BBX: variants seen among roughly 807,000 people sequenced by gnomAD.
BBX encodes HMG box transcription factor BBX.
Under a neutral mutation model 100.2 loss-of-function variants are expected in BBX, and 30 were observed. That is an observed-to-expected ratio of 0.30 (90% confidence interval 0.22 to 0.41). The LOEUF (loss-of-function observed/expected upper bound fraction) is 0.41. Among genes scored for constraint, BBX ranks in the 10% least tolerant of loss-of-function variants. The pLI is 1.00. For synonymous variants in BBX, 376 were observed against 388.1 expected (o/e 0.97, Z 0.37); for missense variants, 1,023 against 1,129.8 (o/e 0.91, Z 1.35).
intron 3 of BBX, among the ~76,000 whole-genome samples, chr3:107,684,050 T>G (rs1379074542): frequency 6.6e-6 from 1 of 152,194 alleles, no homozygotes; most frequent in African/African-American, 2.4e-5. Context: ...TCCCATTATT[T>G]TACTATGTCA....
intron 2 of BBX, among the ~76,000 whole-genome samples, chr3:107,580,693 A>T (rs1428146735): frequency 1.3e-5 from 2 of 151,872 alleles, no homozygotes. Context: ...GTGCAGTGGC[A>T]CGATCTTGGC....
At chr3:107,596,000 T>A (rs1241111065) in intron 2 of BBX, among the ~76,000 whole-genome samples, 1 of 152,242 alleles carries the variant, frequency 6.6e-6, no homozygotes, top group Non-Finnish European at 1.5e-5. Context: ...TTTTTGATAT[T>A]TCTGGGCTTT....
intron 3 of BBX, among the ~76,000 whole-genome samples, chr3:107,668,159 A>G (rs1177727281): frequency 6.6e-6 from 1 of 152,208 alleles, no homozygotes; most frequent in African/African-American, 2.4e-5. Context: ...CCTACATATT[A>G]TGTTGTTGAA....
intron 10 of BBX, among the ~76,000 whole-genome samples, chr3:107,766,757 A>G (rs139527718): frequency 0.018 from 2,702 of 152,272 alleles, 74 homozygotes; most frequent in African/African-American, 0.061. Context: ...ACATGCACAT[A>G]TATGTTTATT....
intron 3 of BBX, among the ~76,000 whole-genome samples, chr3:107,665,925 T>TC (rs2107888895): frequency 6.6e-6 from 1 of 152,286 alleles, no homozygotes; most frequent in Admixed American, 6.5e-5. Flanking sequence ...CTATTGTGGT[T>TC]CCTCTGCTTG....
chr3:107,605,979 A>G (rs2054405819), intron 2 of BBX, among the ~76,000 whole-genome samples: 2 of 152,316 alleles, frequency 1.3e-5, no homozygotes, highest in South Asian at 4.1e-4. Flanking sequence ...TTTCAAGAAT[A>G]CCTATTACTT....
At chr3:107,551,049 A>G (rs1007550695) in intron 2 of BBX, among the ~76,000 whole-genome samples, 19 of 152,354 alleles carry the variant, frequency 1.2e-4, no homozygotes, top group African/African-American at 4.3e-4. Flanking sequence ...TCATTCTCCT[A>G]GGAGCTCTTA....
chr3:107,791,774 G>A (rs766180495), intron 15 of BBX, among the ~76,000 whole-genome samples: 2 of 152,136 alleles, frequency 1.3e-5, no homozygotes, highest in African/African-American at 2.4e-5. Context: ...AGGCCAAGGC[G>A]GGCAGATCAT....
intron 10 of BBX, among the ~76,000 whole-genome samples, chr3:107,758,114 GAA>G (rs1274281498): frequency 5.9e-5 from 9 of 152,170 alleles, no homozygotes; most frequent in Non-Finnish European, 1.0e-4. Flanking sequence ...AGGGAGGAAA[GAA>G]GAGATATTAA....
intron 2 of BBX, among the ~76,000 whole-genome samples, chr3:107,593,881 A>G (rs1425831261): frequency 6.6e-6 from 1 of 152,244 alleles, no homozygotes; most frequent in Non-Finnish European, 1.5e-5. Flanking sequence ...ACAGTTATTC[A>G]AAGGAACCCA....
intron 3 of BBX, among the ~76,000 whole-genome samples, chr3:107,687,428 G>A (rs1374473895): frequency 3.3e-5 from 5 of 151,922 alleles, no homozygotes; most frequent in Non-Finnish European, 7.4e-5. Flanking sequence ...TGGAGAGGGG[G>A]GAATGGAGAA....
chr3:107,728,653 C>T lies in BBX; in HGVS notation c.406-112C>T, dbSNP rs2063123013. On this transcript the variant is annotated intron_variant, in intron 5 of 17. Transcript: ENST00000325805. ...TCTACAAGGAGAGCCACAGAAGTCACTGAAATTGTTTTTCTCACTTGGTAT... is the reference window on the plus strand; with the variant it reads ...TCTACAAGGAGAGCCACAGAAGTCATTGAAATTGTTTTTCTCACTTGGTAT... 3.3e-6 allele frequency: 3 copies of T among 910,566 alleles called. No individual in the cohort carries two copies. In the South Asian group the frequency reaches 5.0e-5, roughly 15 times the overall value. 56.4% of individuals were successfully genotyped at this position (910,566 alleles called of 1,614,324 possible).
chr3:107,774,119 T>G (rs898251580), intron 11 of BBX, among the ~76,000 whole-genome samples: 5 of 152,200 alleles, frequency 3.3e-5, no homozygotes, highest in Non-Finnish European at 7.3e-5. Flanking sequence ...TCCCAGCGCT[T>G]TGGGAGGCCA....
intron 3 of BBX, among the ~76,000 whole-genome samples, chr3:107,707,532 T>G (rs1168365206): frequency 2.0e-5 from 3 of 152,158 alleles, no homozygotes; most frequent in African/African-American, 7.2e-5. Flanking sequence ...GGCCTAGCAA[T>G]GGAGGTATGA....
At chr3:107,549,330 ATAAG>A (rs1015835257) in intron 2 of BBX, among the ~76,000 whole-genome samples, 14 of 152,270 alleles carry the variant, frequency 9.2e-5, no homozygotes, top group Non-Finnish European at 1.8e-4. Flanking sequence ...AATAAATAAA[ATAAG>A]TAAGCTGTAT....
At chr3:107,563,962 C>G (rs911342105) in intron 2 of BBX, among the ~76,000 whole-genome samples, 3 of 152,188 alleles carry the variant, frequency 2.0e-5, no homozygotes, top group Admixed American at 1.3e-4. Context: ...GTGTATTCTT[C>G]AAAATCCTTT....
intron 2 of BBX, among the ~76,000 whole-genome samples, chr3:107,546,009 AT>A (rs1413385144): frequency 6.6e-6 from 1 of 152,184 alleles, no homozygotes; most frequent in Non-Finnish European, 1.5e-5. Context: ...AAAGGTGCTA[AT>A]TGTTTCTAGC....
chr3:107,796,801 A>G (rs1226558819), intron 15 of BBX, among the ~76,000 whole-genome samples: 4 of 152,180 alleles, frequency 2.6e-5, no homozygotes, highest in African/African-American at 9.6e-5. Context: ...TCTAAGACTA[A>G]GTATAATAAC....
At chr3:107,759,760 C>G (rs1185935178) in intron 10 of BBX, among the ~76,000 whole-genome samples, 1 of 152,136 alleles carries the variant, frequency 6.6e-6, no homozygotes, top group East Asian at 1.9e-4. Flanking sequence ...TGTAAACCTT[C>G]TTCTAAGATC....
Sources: gnomAD v4.1 joint callset for allele counts (sites outside exome capture counted in the v4.1 genomes callset) on GRCh38, gnomAD v4.1.1 for gene constraint, MANE v1.5 for transcripts, NCBI Gene and HGNC (gene_info 2026-07-23, HGNC 2026-07-21) for gene names.